POGK: variants seen among roughly 807,000 people sequenced by gnomAD.
The protein encoded by POGK is pogo transposable element derived with KRAB domain, also known as pogo transposable element with KRAB domain.
In POGK, 16 loss-of-function variants were observed where a neutral mutation model predicts 54.4. The observed-to-expected ratio is 0.29, with a 90% CI of 0.20 to 0.45. The LOEUF is 0.45. Ranked by LOEUF, POGK falls within the 20% of genes least tolerant of loss-of-function variation. The probability of loss-of-function intolerance (pLI) is 1.00; values close to 1 mark genes in which losing one functional copy is unlikely to be tolerated. For synonymous variants in POGK, 271 were observed against 302.2 expected, an observed-to-expected ratio of 0.90 and a Z score of 1.07; for missense variants, 515 against 795.6, an observed-to-expected ratio of 0.65 and a Z score of 4.24.
rs1005158721 is a variant in POGK at position 166,852,899 on chromosome 1, G to A, written c.*329G>A. On this transcript the variant is annotated 3_prime_UTR_variant, in exon 6 of 6. Coordinates refer to ENST00000367876, the MANE Select transcript of POGK (RefSeq NM_017542.5). ...TCAAAAGAAACCTGTAAATATGAAA[G>A]AACAAAGGTTATTTCCTGGAGAAAA... 1 of 152,192 alleles carries A rather than the reference G, an allele frequency of 6.6e-6. No homozygotes were observed. The highest frequency in any genetic ancestry group is 1.9e-4 in the East Asian group (1 of 5,202). The allele number at this position is 152,192 out of a possible 1,614,324, so 9.4% of individuals were successfully genotyped here. A position where few individuals can be genotyped will look rare whatever the true frequency, so the allele number is the denominator to read the frequency against.
At chr1:166,847,694 T>G in intron 4 of POGK, 102 bp downstream of exon 4, 1 of 879,378 alleles carries the variant, frequency 1.1e-6, no homozygotes, top group Non-Finnish European at 1.8e-6. Context: ...AGAAGGATTA[T>G]GGGTTTTGGA....
chr1:166,845,699 C>CA (rs1349428848), intron 2 of POGK, among the ~76,000 whole-genome samples: 7 of 152,198 alleles, frequency 4.6e-5, no homozygotes, highest in Non-Finnish European at 1.0e-4. Context: ...AACAAGCCAT[C>CA]CAGTGCCTTC....
chr1:166,851,023 A>G (rs1658043750), intron 5 of POGK: 1 of 152,276 alleles, frequency 6.6e-6, no homozygotes, highest in African/African-American at 2.4e-5. Context: ...ATGAGCTGCC[A>G]GAACATCTGA....
rs1302215966 is a variant in POGK, at chr1:166,841,060, A to C, written c.104A>C (p.Lys35Thr). The C allele has an allele frequency of 6.2e-7, 1 of 1,613,914 alleles. No homozygotes were observed. The highest frequency in any genetic ancestry group is 8.5e-7 in the Non-Finnish European group (1 of 1,179,986). The change falls in exon 2 of 6, where the codon AAA becomes ACA. Residue 35 changes from lysine to threonine, a missense_variant. Transcript: ENST00000367876. ...ELEDGPADMQ[K>T]VRICSEGGWV... ...GAGGACGGCCCGGCAGACATGCAGA[A>C]AGTACGAATCTGCTCTGAGGGCGGA...
rs985847836 is a variant in POGK at position 166,846,164 on chromosome 1, C to T, written c.133-448C>T. On this transcript the variant is annotated intron_variant, in intron 2 of 5. Coordinates refer to ENST00000367876, the MANE Select transcript of POGK (RefSeq NM_017542.5). ...TCAGATTTACAAACCCAACTCACCC[C>T]GCCCGGGGCCGAGGGTCTTTTTCTG... 4.6e-5 allele frequency among the ~76,000 whole-genome samples: 7 copies of T among 152,190 alleles called. 1 individual carries two copies. In the South Asian group the frequency reaches 8.3e-4, roughly 18 times the overall value.
rs778117468 is a variant in POGK at position 166,849,482 on chromosome 1, A to G, written c.903A>G (p.Lys301=). The change falls in exon 5 of 6, where the codon AAA becomes AAG. Residue 301 remains lysine, a synonymous_variant. Transcript: ENST00000367876. The part of the protein sequence containing the change: ...EIAQEMNIPE[K]GFKASLGWCR... ...CCCAGGAAATGAACATTCCAGAGAA[A>G]GGGTTCAAGGCAAGCTTGGGTTGGT... 6.2e-7 allele frequency: 1 copy of G among 1,614,254 alleles called. No individual in the cohort carries two copies. Among genetic ancestry groups the G allele is most frequent in the Non-Finnish European group, 8.5e-7 (1 of 1,180,046 alleles).
Position 166,849,110 on chromosome 1 carries a change from A to G in POGK, c.531A>G (p.Pro177=), listed in dbSNP as rs1267337289. The change falls in exon 5 of 6, where the codon CCA becomes CCG. Residue 177 remains proline (P), a synonymous_variant. Coordinates refer to ENST00000367876, the MANE Select transcript of POGK (RefSeq NM_017542.5). ...CCTTCTACATGGCCATGGGCTTCCCAGGGTATGACCTCTCGGCTGATGACA... is the reference window on the plus strand; with the variant it reads ...CCTTCTACATGGCCATGGGCTTCCCGGGGTATGACCTCTCGGCTGATGACA... ...GYPFYMAMGF[P]GYDLSADDIA... 2.5e-6 allele frequency: 4 copies of G among 1,614,152 alleles called. No homozygotes were observed. The Admixed American group carries it at 6.7e-5, about 27-fold the overall frequency.
At position 166,854,109 on chromosome 1, in the gene POGK, A is replaced by G. The variant is rs1354554012; in HGVS notation, c.*1539A>G. ...TTGCTTTGGGAGCTTAAAAGATTTT[A>G]CAAGACCTAATTTTGGGTTCCTTCC... On this transcript the variant is annotated 3_prime_UTR_variant, in exon 6 of 6. Transcript: ENST00000367876. 7.9e-5 allele frequency: 12 copies of G among 152,470 alleles called. No homozygotes were observed. Among genetic ancestry groups the G allele is most frequent in the Non-Finnish European group, 7.4e-5 (5 of 68,022 alleles). The allele number at this position is 152,470 out of a possible 1,614,324, so 9.4% of individuals were successfully genotyped here. A position where few individuals can be genotyped will look rare whatever the true frequency, so the allele number is the denominator to read the frequency against.
intron 5 of POGK, 128 bp downstream of exon 5, chr1:166,850,551 G>A: frequency 9.6e-7 from 1 of 1,044,604 alleles, no homozygotes; most frequent in Non-Finnish European, 1.3e-6. Context: ...TAGATCAGGG[G>A]TCCCCAACCC....
chr1:166,850,083 C>A lies in POGK; in HGVS notation c.1504C>A (p.Gln502Lys). The A allele has an allele frequency of 6.2e-7, 1 of 1,613,434 alleles. No homozygotes were observed. Among genetic ancestry groups the A allele is most frequent in the Non-Finnish European group, 8.5e-7 (1 of 1,179,692 alleles). Residue 502 changes from glutamine to lysine, a missense_variant, in exon 5 of 6, where the codon CAG becomes AAG. Gln to Lys is a moderately conservative substitution (Grantham distance 53, BLOSUM62 1). Transcript: ENST00000367876. Reference sequence around the variant, plus strand: ...GATCATCCCAGGGGGTCTGACCTCACAGCTTCAGGTGCTGGATGTCGTGGT... The same window carrying A: ...GATCATCCCAGGGGGTCTGACCTCAAAGCTTCAGGTGCTGGATGTCGTGGT... Reference protein sequence around the residue: ...MVIIPGGLTSQLQVLDVVVYK... With the variant: ...MVIIPGGLTSKLQVLDVVVYK...
chr1:166,850,282 A>T lies in POGK; in HGVS notation c.1703A>T (p.Lys568Met). 1.3e-6 allele frequency: 2 copies of T among 1,590,246 alleles called. No homozygotes were observed. The highest frequency in any genetic ancestry group is 1.7e-6 in the Non-Finnish European group (2 of 1,166,798). ...ISSESIVQGF[K>M]KCHISSNLEE... ...AGTGAGTCCATCGTCCAAGGGTTCAAGAAGTGCCATATCTCCAGCAACTTG... is the reference window on the plus strand; with the variant it reads ...AGTGAGTCCATCGTCCAAGGGTTCATGAAGTGCCATATCTCCAGCAACTTG... The change falls in exon 5 of 6, where the codon AAG (lysine) becomes ATG (methionine). Residue 568 changes from lysine (K) to methionine (M), a missense_variant. By Grantham distance (95) the Lys-to-Met change is moderately conservative (BLOSUM62 -1). Transcript: ENST00000367876.
chr1:166,840,571 C>CT (rs1657458556), intron 1 of POGK: 1 of 161,862 alleles, frequency 6.2e-6, no homozygotes, highest in Admixed American at 6.2e-5. Flanking sequence ...CACCTTTCCC[C>CT]TGCCTCTGAT....
chr1:166,846,545 T>A (rs1048543521), intron 2 of POGK, 67 bp from the exon 3 acceptor site: 18 of 1,601,238 alleles, frequency 1.1e-5, no homozygotes, highest in Admixed American at 1.7e-5. Context: ...TGTAAGGTCC[T>A]GTCCGCTCTG....
At chr1:166,843,263 G>A (rs1657612707) in intron 2 of POGK, among the ~76,000 whole-genome samples, 1 of 152,194 alleles carries the variant, frequency 6.6e-6, no homozygotes, top group African/African-American at 2.4e-5. Context: ...GGCAGGGAGT[G>A]GAAGGGGATC....
chr1:166,840,687 T>G (rs1262377704), intron 1 of POGK, among the ~76,000 whole-genome samples: 1 of 152,214 alleles, frequency 6.6e-6, no homozygotes, highest in Non-Finnish European at 1.5e-5. Flanking sequence ...TGCCGTCCAG[T>G]CTCTACAAAC....
chr1:166,845,802 G>A (rs1657821957), intron 2 of POGK, among the ~76,000 whole-genome samples: 1 of 152,174 alleles, frequency 6.6e-6, no homozygotes, highest in Admixed American at 6.5e-5. Flanking sequence ...TGGTTTGGGT[G>A]GCTTGGCTGC....
chr1:166,850,174 C>T lies in POGK; in HGVS notation c.1595C>T (p.Ala532Val), dbSNP rs2101766907. The change falls in exon 5 of 6, where the codon GCG becomes GTG. Residue 532 changes from alanine (A) to valine (V), a missense_variant. Physicochemically the swap from Ala to Val is moderately conservative, Grantham distance 64. Coordinates refer to ENST00000367876, the MANE Select transcript of POGK (RefSeq NM_017542.5). ...YSNWLLAGNL[A>V]LSPTGNAKKP... ...AACTGGCTTCTGGCTGGGAACCTGG[C>T]GCTGAGCCCAACCGGGAATGCTAAG... 1.3e-6 allele frequency: 2 copies of T among 1,559,878 alleles called. No individual in the cohort carries two copies. Among genetic ancestry groups the T allele is most frequent in the Middle Eastern group, 1.7e-4 (1 of 6,000 alleles).
intron 2 of POGK, 93 bp from the exon 3 acceptor site, chr1:166,846,519 G>T: frequency 6.6e-7 from 1 of 1,511,542 alleles, no homozygotes. Context: ...GAGAGGACAG[G>T]CTGTGCTGGG....
chr1:166,847,721 C>G, intron 4 of POGK, 129 bp downstream of exon 4: 2 of 661,698 alleles, frequency 3.0e-6, no homozygotes, highest in South Asian at 2.1e-5. Flanking sequence ...AAATCTCCCT[C>G]TTTGCAGTGC....
Sources: gnomAD v4.1 joint callset for allele counts (sites outside exome capture counted in the v4.1 genomes callset) on GRCh38, gnomAD v4.1.1 for gene constraint, MANE v1.5 for transcripts, NCBI Gene and HGNC (gene_info 2026-07-23, HGNC 2026-07-21) for gene names.